GNAT3: variants seen among roughly 807,000 people sequenced by gnomAD.
The protein encoded by GNAT3 is guanine nucleotide-binding protein G(t) subunit alpha-3.
Under a neutral mutation model 37.7 loss-of-function variants are expected in GNAT3, and 31 were observed. The ratio of observed to expected loss-of-function variants is 0.82; its 90% CI spans 0.62 to 1.11. The LOEUF (loss-of-function observed/expected upper bound fraction) is 1.11. GNAT3 is among the 50% of genes most tolerant of loss of function. GNAT3 has a pLI of 0.00. For synonymous variants in GNAT3, 138 were observed against 139.8 expected, an observed-to-expected ratio of 0.99 and a Z score of 0.09; for missense variants, 437 against 412.5, an observed-to-expected ratio of 1.06 and a Z score of -0.51.
intron 1 of GNAT3, among the ~76,000 whole-genome samples, chr7:80,497,988 G>A (rs1306834355): frequency 6.6e-6 from 1 of 152,084 alleles, no homozygotes; most frequent in Non-Finnish European, 1.5e-5. Context: ...AATTGTATCA[G>A]CATATGTATT....
chr7:80,466,101 A>C (rs1790125623), intron 5 of GNAT3, among the ~76,000 whole-genome samples: 2 of 152,050 alleles, frequency 1.3e-5, no homozygotes, highest in East Asian at 3.9e-4. Flanking sequence ...GGGGGAAAAT[A>C]AAAAACCCCT....
chr7:80,486,761 C>T (rs575849319), intron 3 of GNAT3, among the ~76,000 whole-genome samples: 4 of 150,738 alleles, frequency 2.7e-5, no homozygotes, highest in African/African-American at 9.7e-5. Flanking sequence ...AGGCATGAGA[C>T]ACCATATCTG....
chr7:80,502,969 A>G (rs763675595), intron 1 of GNAT3, among the ~76,000 whole-genome samples: 2 of 152,174 alleles, frequency 1.3e-5, no homozygotes, highest in Non-Finnish European at 2.9e-5. Context: ...TTTGCACAAT[A>G]GTAACAGTTT....
intron 3 of GNAT3, among the ~76,000 whole-genome samples, chr7:80,486,902 A>C (rs549548719): frequency 6.6e-6 from 1 of 152,224 alleles, no homozygotes; most frequent in South Asian, 2.1e-4. Context: ...ACACAAATGC[A>C]TGGAATACCG....
At chr7:80,508,218 T>A (rs1264567954) in intron 1 of GNAT3, among the ~76,000 whole-genome samples, 1 of 151,828 alleles carries the variant, frequency 6.6e-6, no homozygotes. Flanking sequence ...CTAATTTTTT[T>A]CCTATGCTTT....
At chr7:80,509,081 T>G (rs1223362719) in intron 1 of GNAT3, among the ~76,000 whole-genome samples, 1 of 151,966 alleles carries the variant, frequency 6.6e-6, no homozygotes, top group Admixed American at 6.6e-5. Context: ...ATGGGAAAAA[T>G]TAAATAGATT....
At chr7:80,504,714 AATCTG>A (rs1790900353) in intron 1 of GNAT3, among the ~76,000 whole-genome samples, 1 of 152,242 alleles carries the variant, frequency 6.6e-6, no homozygotes. Context: ...GGCTGAAACT[AATCTG>A]AAATGAAAAT....
At chr7:80,492,479 T>C (rs1374832754) in intron 2 of GNAT3, among the ~76,000 whole-genome samples, 1 of 151,908 alleles carries the variant, frequency 6.6e-6, no homozygotes, top group African/African-American at 2.4e-5. Context: ...TAATACATGA[T>C]TTGTAATAGT....
At chr7:80,505,693 A>G (rs1321867534) in intron 1 of GNAT3, among the ~76,000 whole-genome samples, 2 of 152,180 alleles carry the variant, frequency 1.3e-5, no homozygotes, top group African/African-American at 4.8e-5. Context: ...ATATCTTTAA[A>G]AAACAATTTT....
intron 4 of GNAT3, among the ~76,000 whole-genome samples, chr7:80,477,567 T>G (rs775252514): frequency 6.6e-6 from 1 of 152,080 alleles, no homozygotes; most frequent in Non-Finnish European, 1.5e-5. Context: ...TACAGAAAAT[T>G]TTTTCTCTAG....
chr7:80,499,375 G>A (rs976279613), intron 1 of GNAT3, among the ~76,000 whole-genome samples: 1 of 152,084 alleles, frequency 6.6e-6, no homozygotes, highest in Non-Finnish European at 1.5e-5. Context: ...TAGTATGAGA[G>A]CGGTGTACTT....
At chr7:80,488,003 A>G (rs1790521140) in intron 3 of GNAT3, among the ~76,000 whole-genome samples, 1 of 152,160 alleles carries the variant, frequency 6.6e-6, no homozygotes. Context: ...TACAAACGGA[A>G]CTATGACTAC....
chr7:80,494,844 T>G (rs1025805087), intron 1 of GNAT3, among the ~76,000 whole-genome samples, 197 bp from the exon 2 acceptor site: 1 of 152,158 alleles, frequency 6.6e-6, no homozygotes, highest in African/African-American at 2.4e-5. Context: ...TAGTGTGCAT[T>G]GTACCCAACA....
intron 1 of GNAT3, among the ~76,000 whole-genome samples, chr7:80,510,385 T>A (rs1791044168): frequency 6.6e-6 from 1 of 152,200 alleles, no homozygotes; most frequent in African/African-American, 2.4e-5. Flanking sequence ...AACACACATC[T>A]ATTGAAATGT....
chr7:80,506,999 A>T (rs6979450), intron 1 of GNAT3, among the ~76,000 whole-genome samples: 32,316 of 151,996 alleles, frequency 0.21, 5,905 homozygotes, highest in African/African-American at 0.5. Flanking sequence ...AAGGTACTAT[A>T]GTTGGAGGAA....
intron 5 of GNAT3, among the ~76,000 whole-genome samples, chr7:80,472,109 C>G (rs535943707): frequency 2.6e-4 from 39 of 152,080 alleles, no homozygotes; most frequent in African/African-American, 8.9e-4. Context: ...AATAAAGAAG[C>G]AAGGCAATCT....
At chr7:80,491,024 A>G (rs1323423177) in intron 2 of GNAT3, among the ~76,000 whole-genome samples, 2 of 152,148 alleles carry the variant, frequency 1.3e-5, no homozygotes, top group Non-Finnish European at 2.9e-5. Flanking sequence ...AAGGGTGAAG[A>G]GTTGAATTCA....
intron 5 of GNAT3, among the ~76,000 whole-genome samples, chr7:80,471,746 T>C (rs774903832): frequency 3.3e-5 from 5 of 152,096 alleles, no homozygotes; most frequent in Non-Finnish European, 5.9e-5. Context: ...CAGAAAGATA[T>C]GCATTTTAAT....
In GNAT3 at chr7:80,462,160, A is replaced by T; in HGVS notation, c.873T>A (p.Thr291=). The T allele has an allele frequency of 6.5e-7, 1 of 1,545,822 alleles. No homozygotes were observed. The highest frequency in any genetic ancestry group is 1.2e-5 in the South Asian group (1 of 82,692). The change falls in exon 7 of 8, where the codon ACT becomes ACA. Residue 291 remains threonine (T), a splice_region_variant and synonymous_variant. Transcript: ENST00000398291. ...VHLSICFPEY[T]GPNTFEDAGN... ...GGAACTAAAAGAAAAAAATCTTACC[A>T]GTGTATTCTGGAAAGCAGATACTAA...
Sources: allele counts gnomAD v4.1 joint callset (sites outside exome capture counted in the v4.1 genomes callset), GRCh38; gene constraint gnomAD v4.1.1; transcripts MANE v1.5; gene names NCBI Gene and HGNC (gene_info 2026-07-23, HGNC 2026-07-21).